Variants in NPC1 observed in about 807,000 individuals in gnomAD.
NPC1 encodes the protein NPC intracellular cholesterol transporter 1.
In NPC1, 85 loss-of-function variants were observed where a neutral mutation model predicts 140.4. The observed-to-expected ratio is 0.61, with a 90% CI of 0.51 to 0.72. The LOEUF (loss-of-function observed/expected upper bound fraction) is 0.72. Among genes scored for constraint, NPC1 ranks in the 30% least tolerant of loss-of-function variants. NPC1 has a pLI of 0.00. For missense variants in NPC1, 1,504 were observed against 1,623.8 expected (o/e 0.93, Z 1.27); for synonymous variants, 656 against 624.8 (o/e 1.05, Z -0.74).
downstream of NPC1, among the ~76,000 whole-genome samples, chr18:23,524,924 C>T (rs1808579): frequency 0.47 from 67,037 of 141,440 alleles, 16,102 homozygotes; most frequent in East Asian, 0.62. Flanking sequence ...CCTGGGTAAT[C>T]TCTTTATTAG....
In NPC1 at chr18:23,544,948, C is replaced by CCCCCCCCCCCCCCT; in HGVS notation, c.1947+11_1947+12insAGGGGGGGGGGGGG. 1.4e-6 allele frequency: 2 copies of CCCCCCCCCCCCCCT among 1,379,530 alleles called. No individual in the cohort carries two copies. The highest frequency in any genetic ancestry group is 1.0e-6 in the Non-Finnish European group (1 of 980,108). 85.5% of individuals were successfully genotyped at this position (1,379,530 alleles called of 1,614,324 possible). On this transcript the variant is annotated intron_variant, in intron 12 of 24. Coordinates refer to ENST00000269228, the MANE Select transcript of NPC1 (RefSeq NM_000271.5). ...TAACCTCTAGAACATACACCACCCC[C>CCCCCCCCCCCCCCT]CCCCGGCTTACCAGAAGCCTGCGAC... is the stretch of plus-strand genomic sequence containing the variant.
chr18:23,578,950 T>C (rs1347382149), intron 1 of NPC1, among the ~76,000 whole-genome samples: 1 of 152,220 alleles, frequency 6.6e-6, no homozygotes, highest in Non-Finnish European at 1.5e-5. Context: ...TGCAGATGCC[T>C]GCCGCTTGCC....
intron 6 of NPC1, among the ~76,000 whole-genome samples, 188 bp from the exon 7 acceptor site, chr18:23,557,378 TAAG>T (rs1259421804): frequency 2.6e-5 from 4 of 152,316 alleles, no homozygotes; most frequent in Admixed American, 6.5e-5. Flanking sequence ...GGAGAAAATT[TAAG>T]AAGATGTTAA....
intron 3 of NPC1, among the ~76,000 whole-genome samples, chr18:23,571,663 AAAAAAT>A (rs1265628870): frequency 6.6e-6 from 1 of 151,696 alleles, no homozygotes; most frequent in Admixed American, 6.6e-5. Flanking sequence ...CAAAAAAAAA[AAAAAAT>A]AAAGAAAAAC....
At chr18:23,544,248 C>CTCA in intron 13 of NPC1, 96 bp downstream of exon 13, 1 of 1,212,762 alleles carries the variant, frequency 8.2e-7, no homozygotes, top group Non-Finnish European at 1.2e-6. Flanking sequence ...ACAAAACACC[C>CTCA]TCACAGGTCA....
At chr18:23,534,966 TTTAATGA>T (rs1209758223) in intron 22 of NPC1, among the ~76,000 whole-genome samples, 1 of 152,190 alleles carries the variant, frequency 6.6e-6, no homozygotes, top group African/African-American at 2.4e-5. Context: ...TGCTCTCATC[TTTAATGA>T]TTAAAAGTAC....
chr18:23,571,963 A>G (rs1010817291), intron 3 of NPC1, 111 bp downstream of exon 3: 4 of 521,222 alleles, frequency 7.7e-6, no homozygotes, highest in Admixed American at 2.8e-5. Flanking sequence ...TACATATAAT[A>G]TAGACATATA....
intron 10 of NPC1, among the ~76,000 whole-genome samples, chr18:23,549,070 T>A (rs552047723): frequency 6.6e-6 from 1 of 152,036 alleles, no homozygotes; most frequent in African/African-American, 2.4e-5. Context: ...ATTATAGGCA[T>A]GAGCCACTGC....
Position 23,556,248 on chromosome 18 carries a change from G to A in NPC1, c.1321C>T (p.His441Tyr), listed in dbSNP as rs764171713. Residue 441 changes from histidine to tyrosine, a missense_variant, in exon 8 of 25, where the codon CAC (histidine) becomes TAC (tyrosine). His to Tyr is a moderately conservative substitution (Grantham distance 83, BLOSUM62 2). Coordinates refer to ENST00000269228, the MANE Select transcript of NPC1 (RefSeq NM_000271.5). Reference sequence around the variant, plus strand: ...TTCTTCAAACAGCAGGTTACCTGGTGCAGTATCTGTATGTCAAGCGGAGGT... The same window carrying A: ...TTCTTCAAACAGCAGGTTACCTGGTACAGTATCTGTATGTCAAGCGGAGGT... ...FGPPLDIQIL[H>Y]QVLDLQIAIE... 1 of 1,613,964 alleles carries A rather than the reference G, an allele frequency of 6.2e-7. No individual in the cohort carries two copies. Among genetic ancestry groups the A allele is most frequent in the Non-Finnish European group, 8.5e-7 (1 of 1,179,860 alleles).
chr18:23,517,369 C>G (rs2058035867), downstream of NPC1, among the ~76,000 whole-genome samples: 1 of 152,010 alleles, frequency 6.6e-6, no homozygotes, highest in African/African-American at 2.4e-5. Flanking sequence ...AGGGTGGTCT[C>G]GGTCTCTTGA....
intron 9 of NPC1, 91 bp downstream of exon 9, chr18:23,554,667 C>G (rs1439368821): frequency 2.2e-6 from 2 of 923,006 alleles, no homozygotes; most frequent in African/African-American, 3.3e-5. Flanking sequence ...TTGCTCACCT[C>G]TGGGTTATGC....
chr18:23,565,824 C>A (rs1394728602), intron 4 of NPC1, among the ~76,000 whole-genome samples: 1 of 152,152 alleles, frequency 6.6e-6, no homozygotes, highest in Non-Finnish European at 1.5e-5. Context: ...CATCCCTTAT[C>A]CACTCTGGAA....
chr18:23,545,031 T>C lies in NPC1; in HGVS notation c.1876A>G (p.Ile626Val). Residue 626 changes from isoleucine to valine, a missense_variant, in exon 12 of 25, where the codon ATT (isoleucine) becomes GTT (valine). By Grantham distance (29) the Ile-to-Val change is conservative (BLOSUM62 3). Coordinates refer to ENST00000269228, the MANE Select transcript of NPC1 (RefSeq NM_000271.5). ...ESDSDVFTVV[I>V]SYAIMFLYIS... ...TATAGAAACATGATGGCATAGCTAA[T>C]TACAACGGTGAAGACATCACTGTCA... 6.3e-7 allele frequency: 1 copy of C among 1,595,156 alleles called. No individual in the cohort carries two copies. The highest frequency in any genetic ancestry group is 8.5e-7 in the Non-Finnish European group (1 of 1,170,134).
Position 23,544,456 on chromosome 18 carries a change from C to T in NPC1, c.2018G>A (p.Gly673Asp). 6.2e-7 allele frequency: 1 copy of T among 1,606,000 alleles called. No homozygotes were observed. Among genetic ancestry groups the T allele is most frequent in the Non-Finnish European group, 8.5e-7 (1 of 1,176,532 alleles). The change falls in exon 13 of 25, where the codon GGT becomes GAT. Residue 673 changes from glycine to aspartate, a missense_variant. Transcript: ENST00000269228. The stretch of plus-strand genomic sequence containing the variant: ...GGGCAACCCAATGTAGCTGAAGACA[C>T]CCAAGGAGCAAGCCACCGAGCTCAG... The part of the protein sequence containing the change: ...IVLSSVACSL[G>D]VFSYIGLPLT...
intron 1 of NPC1, among the ~76,000 whole-genome samples, chr18:23,580,445 G>C (rs1458268915): frequency 6.6e-6 from 1 of 152,176 alleles, no homozygotes. Flanking sequence ...TTCACTTGTA[G>C]AAATAATGCC....
intron 18 of NPC1, 27 bp from the exon 19 acceptor site, chr18:23,539,497 C>T (rs2145371082): frequency 2.0e-6 from 3 of 1,495,074 alleles, no homozygotes; most frequent in Middle Eastern, 1.7e-4. Context: ...GGGTTACTGA[C>T]CTGCTCCACA....
intron 1 of NPC1, among the ~76,000 whole-genome samples, chr18:23,576,286 T>G (rs528711738): frequency 6.6e-6 from 1 of 152,058 alleles, no homozygotes; most frequent in Non-Finnish European, 1.5e-5. Flanking sequence ...CCGAGCCTAG[T>G]GGCACATGCC....
chr18:23,556,586 C>A lies in NPC1; in HGVS notation c.983G>T (p.Ser328Ile). The A allele has an allele frequency of 6.2e-7, 1 of 1,614,144 alleles. No individual in the cohort carries two copies. The highest frequency in any genetic ancestry group is 8.5e-7 in the Non-Finnish European group (1 of 1,180,002). ...CCTCAAGCAGCCCTCAAATGCTGCGCTGACAGGGTCACAGCAGGACGCCTC... is the reference window on the plus strand; with the variant it reads ...CCTCAAGCAGCCCTCAAATGCTGCGATGACAGGGTCACAGCAGGACGCCTC... ...KGEASCCDPV[S>I]AAFEGCLRRL... The change falls in exon 8 of 25, where the codon AGC becomes ATC. Residue 328 changes from serine (S) to isoleucine (I), a missense_variant. By Grantham distance (142) the Ser-to-Ile change is moderately radical. Coordinates refer to ENST00000269228, the MANE Select transcript of NPC1 (RefSeq NM_000271.5).
In NPC1 at chr18:23,548,067, G is replaced by A. The variant is rs754523747; in HGVS notation, c.1696C>T (p.Pro566Ser). 6.2e-7 allele frequency: 1 copy of A among 1,612,842 alleles called. No homozygotes were observed. The highest frequency in any genetic ancestry group is 2.2e-5 in the East Asian group (1 of 44,880). Residue 566 changes from proline (P) to serine (S), a missense_variant, in exon 11 of 25, where the codon CCT (proline) becomes TCT (serine). Coordinates refer to ENST00000269228, the MANE Select transcript of NPC1 (RefSeq NM_000271.5). ...NNATALVITF[P>S]VNNYYNDTEK... ...GTATCATTATAGTAATTATTGACAGGGAAGGTAATCACAAGGGCAGTGGCG... is the reference window on the plus strand; with the variant it reads ...GTATCATTATAGTAATTATTGACAGAGAAGGTAATCACAAGGGCAGTGGCG...
Sources: gnomAD v4.1 joint callset for allele counts (sites outside exome capture counted in the v4.1 genomes callset) on GRCh38, gnomAD v4.1.1 for gene constraint, MANE v1.5 for transcripts, NCBI Gene and HGNC (gene_info 2026-07-23, HGNC 2026-07-21) for gene names.